The following ARHGAP23 variants were observed in gnomAD, a reference collection of about 807,000 sequenced individuals.
ARHGAP23 encodes the protein Rho GTPase activating protein 23, also known as rho GTPase-activating protein 23.
A neutral mutation model predicts 136.3 loss-of-function variants in ARHGAP23; 34 were observed. That is an observed-to-expected ratio of 0.25 (90% CI 0.19 to 0.33). ARHGAP23 has a LOEUF of 0.33. ARHGAP23 is among the 10% of genes least tolerant of loss of function. The probability of loss-of-function intolerance (pLI) is 1.00; values close to 1 mark genes in which losing one functional copy is unlikely to be tolerated. For synonymous variants in ARHGAP23, 832 were observed against 920.5 expected (o/e 0.90, Z 1.74); for missense variants, 1,808 against 2,139.0 (o/e 0.85, Z 3.05).
intron 12 of ARHGAP23, among the ~76,000 whole-genome samples, 177 bp from the exon 13 acceptor site, chr17:38,479,259 C>T (rs1432976384): frequency 6.6e-6 from 1 of 152,230 alleles, no homozygotes; most frequent in Non-Finnish European, 1.5e-5. Flanking sequence ...TAAGAGGCTT[C>T]CCCAAGGCCT....
At chr17:38,448,248 G>GTCT (rs2039077611) in intron 1 of ARHGAP23, among the ~76,000 whole-genome samples, 1 of 152,172 alleles carries the variant, frequency 6.6e-6, no homozygotes, top group African/African-American at 2.4e-5. Context: ...TGCCGGGAAG[G>GTCT]ATGAGCTTGC....
chr17:38,475,004 G>C (rs2039859610), intron 11 of ARHGAP23, among the ~76,000 whole-genome samples: 1 of 152,232 alleles, frequency 6.6e-6, no homozygotes, highest in Middle Eastern at 3.2e-3. Flanking sequence ...AGGGACAGGA[G>C]CTGTCCCCTT....
chr17:38,443,588 T>C (rs1597753925), intron 1 of ARHGAP23, among the ~76,000 whole-genome samples: 1 of 150,486 alleles, frequency 6.6e-6, no homozygotes, highest in East Asian at 2.0e-4. Flanking sequence ...CAGCTGCCTC[T>C]GGGCATCACA....
intron 16 of ARHGAP23, among the ~76,000 whole-genome samples, chr17:38,484,050 G>C (rs1049069380): frequency 7.2e-5 from 11 of 152,156 alleles, no homozygotes; most frequent in African/African-American, 2.7e-4. Context: ...TTAAGCTGGG[G>C]AGGCATCGTG....
chr17:38,466,805 C>T lies in ARHGAP23; in HGVS notation c.1122C>T (p.Arg374=). ...ALGPGALVSP[R]FERCGWASQR... is the part of the protein sequence containing the mutation. Reference sequence around the variant, plus strand: ...GGCCAGGGGCACTGGTGTCACCCCGCTTTGAGCGGTGTGGCTGGGCTTCCC... The same window carrying T: ...GGCCAGGGGCACTGGTGTCACCCCGTTTTGAGCGGTGTGGCTGGGCTTCCC... The change falls in exon 7 of 24, where the codon CGC becomes CGT. Residue 374 remains arginine (R), a synonymous_variant. Coordinates refer to ENST00000622683, the MANE Select transcript of ARHGAP23 (RefSeq NM_001199417.2). The T allele has an allele frequency of 6.5e-7, 1 of 1,549,312 alleles. No individual in the cohort carries two copies. The highest frequency in any genetic ancestry group is 2.0e-5 in the Admixed American group (1 of 50,994).
intron 17 of ARHGAP23, among the ~76,000 whole-genome samples, chr17:38,486,942 G>A (rs1348948234): frequency 6.6e-6 from 1 of 152,240 alleles, no homozygotes; most frequent in Non-Finnish European, 1.5e-5. Flanking sequence ...TGCCTGCGTG[G>A]GGTTTGGATT....
At position 38,467,251 on chromosome 17, in the gene ARHGAP23, G is replaced by A. The variant is rs1254120715; in HGVS notation, c.1568G>A (p.Ser523Asn). The A allele has an allele frequency of 2.6e-6, 4 of 1,549,928 alleles. No homozygotes were observed. Among genetic ancestry groups the A allele is most frequent in the Non-Finnish European group, 3.5e-6 (4 of 1,146,052 alleles). The part of the protein sequence containing the change: ...FGDESPEPEA[S>N]GRGERLGRKV... ...GACGAGTCCCCAGAGCCAGAGGCCA[G>A]TGGGCGAGGGGAACGCCTGGGCAGG... The change falls in exon 7 of 24, where the codon AGT (serine) becomes AAT (asparagine). Residue 523 changes from serine to asparagine, a missense_variant. This residue lies in a region of ARHGAP23 where 859 missense variants were observed against 936.4 expected (regional missense o/e 0.92). Coordinates refer to ENST00000622683, the MANE Select transcript of ARHGAP23 (RefSeq NM_001199417.2).
rs1407371875 is a variant in ARHGAP23, at chr17:38,469,253, C to T, written c.1758C>T (p.Ser586=). 1.3e-6 allele frequency: 2 copies of T among 1,551,604 alleles called. No individual in the cohort carries two copies. The highest frequency in any genetic ancestry group is 2.4e-5 in the East Asian group (1 of 40,922). ...CTGTCCTGGGCACCAGCCCATCTTC[C>T]CCGACCTTCACTTTCACCCTCGGAC... The part of the protein sequence containing the change: ...SAPVLGTSPS[S]PTFTFTLGRH... The change falls in exon 8 of 24, where the codon TCC becomes TCT. Residue 586 remains serine, a synonymous_variant. Transcript: ENST00000622683.
Position 38,467,141 on chromosome 17 carries a change from C to T in ARHGAP23, c.1458C>T (p.Gly486=), listed in dbSNP as rs1171061407. 5 of 1,549,268 alleles carry T rather than the reference C, an allele frequency of 3.2e-6. No individual in the cohort carries two copies. Among genetic ancestry groups the T allele is most frequent in the African/African-American group, 1.4e-5 (1 of 73,026 alleles). Residue 486 remains glycine (G), a synonymous_variant, in exon 7 of 24, where the codon GGC becomes GGT. Transcript: ENST00000622683. ...RALEPPAEDR[G]DEVVLRQKPP... ...TGGAGCCTCCTGCGGAGGATCGCGG[C>T]GATGAGGTGGTCCTGAGGCAGAAGC...
At position 38,491,540 on chromosome 17, in the gene ARHGAP23, C is replaced by G; in HGVS notation, c.3276+8C>G. ...GAGACACTGATCCAGCACGTAAGCC[C>G]CTGTTCCGGGGGGCGCCCGGCAGCC... is the stretch of plus-strand genomic sequence containing the variant. On this transcript the variant is annotated splice_region_variant and intron_variant, in intron 20 of 23. Transcript: ENST00000622683. 6.5e-7 allele frequency: 1 copy of G among 1,549,500 alleles called. No homozygotes were observed.
At chr17:38,478,978 G>A (rs2039966672) in intron 12 of ARHGAP23, among the ~76,000 whole-genome samples, 2 of 152,152 alleles carry the variant, frequency 1.3e-5, no homozygotes, top group Non-Finnish European at 2.9e-5. Context: ...TGCTCTCCCG[G>A]GAACAGCTTT....
chr17:38,437,349 C>T (rs1419323573), intron 1 of ARHGAP23, among the ~76,000 whole-genome samples: 1 of 152,022 alleles, frequency 6.6e-6, no homozygotes, highest in Non-Finnish European at 1.5e-5. Context: ...TGGTCTTGAA[C>T]TCCTGAGCTC....
intron 20 of ARHGAP23, among the ~76,000 whole-genome samples, chr17:38,497,009 A>G (rs2040406678): frequency 6.6e-6 from 1 of 152,000 alleles, no homozygotes; most frequent in South Asian, 2.1e-4. Context: ...AGAGTTTAGC[A>G]GGGTATAAAA....
At chr17:38,497,704 G>A in intron 20 of ARHGAP23, 81 bp from the exon 21 acceptor site, 1 of 1,456,688 alleles carries the variant, frequency 6.9e-7, no homozygotes, top group Admixed American at 2.0e-5. Context: ...TGCCGCCTGA[G>A]CGGGTCCTCT....
At chr17:38,498,739 G>A (rs561059071) in intron 22 of ARHGAP23, among the ~76,000 whole-genome samples, 71 of 152,306 alleles carry the variant, frequency 4.7e-4, no homozygotes, top group African/African-American at 1.5e-3. Context: ...GGGCAGGGTC[G>A]GAGCTTTGTT....
intron 1 of ARHGAP23, among the ~76,000 whole-genome samples, chr17:38,440,932 A>G (rs1450892593): frequency 6.6e-6 from 1 of 152,200 alleles, no homozygotes; most frequent in Admixed American, 6.5e-5. Context: ...GAGCCTTACC[A>G]CGACCTTTAG....
At chr17:38,509,899 G>C (rs1403980960) in intron 23 of ARHGAP23, 45 bp from the exon 24 acceptor site, 1 of 1,234,948 alleles carries the variant, frequency 8.1e-7, no homozygotes, top group African/African-American at 1.6e-5. Context: ...TCGGCAGGGG[G>C]CCGAGTCCGG....
At chr17:38,485,954 G>A in intron 16 of ARHGAP23, 108 bp from the exon 17 acceptor site, 1 of 1,018,970 alleles carries the variant, frequency 9.8e-7, no homozygotes, top group Non-Finnish European at 1.5e-6. Context: ...GTCTAAGTAG[G>A]TCCCAGGGAG....
chr17:38,444,201 G>A (rs57181369), intron 1 of ARHGAP23, among the ~76,000 whole-genome samples: 7,970 of 152,142 alleles, frequency 0.052, 268 homozygotes, highest in Middle Eastern at 0.16. Context: ...AGGGGCCTGG[G>A]GAGCGAGGTT....
Sources: allele counts gnomAD v4.1 joint callset (sites outside exome capture counted in the v4.1 genomes callset), GRCh38; gene constraint gnomAD v4.1.1; regional missense constraint gnomAD v4.1.1; transcripts MANE v1.5; gene names NCBI Gene and HGNC (gene_info 2026-07-23, HGNC 2026-07-21).